SAMD7: variants seen among roughly 807,000 people sequenced by gnomAD.
SAMD7 encodes sterile alpha motif domain containing 7, also known as sterile alpha motif domain-containing protein 7.
In SAMD7, 34 loss-of-function variants were observed where a neutral mutation model predicts 36.7. The observed-to-expected ratio is 0.93, with a 90% CI of 0.71 to 1.23. SAMD7 has a LOEUF of 1.23. Among genes scored for constraint, SAMD7 ranks in the 50% most tolerant of loss-of-function variants. The pLI is 0.00. For missense variants in SAMD7, 570 were observed against 546.6 expected, an observed-to-expected ratio of 1.04 and a Z score of -0.43; for synonymous variants, 188 against 189.7, an observed-to-expected ratio of 0.99 and a Z score of 0.07.
At chr3:169,929,573 A>T (rs1713407335) in intron 7 of SAMD7, among the ~76,000 whole-genome samples, 1 of 152,198 alleles carries the variant, frequency 6.6e-6, no homozygotes, top group Admixed American at 6.5e-5. Context: ...GAAAGTACAA[A>T]TTCAAATCCT....
chr3:169,930,263 T>C (rs1298093105), intron 7 of SAMD7, among the ~76,000 whole-genome samples: 2 of 152,176 alleles, frequency 1.3e-5, no homozygotes, highest in African/African-American at 2.4e-5. Flanking sequence ...AGCGCCCTCT[T>C]CCCTACCCCA....
rs1368379530 is a variant in SAMD7 at position 169,911,754 on chromosome 3, A to C, written c.-184A>C. 6.6e-6 allele frequency: 1 copy of C among 152,232 alleles called. No individual in the cohort carries two copies. The highest frequency in any genetic ancestry group is 1.5e-5 in the Non-Finnish European group (1 of 68,036). 9.4% of individuals were successfully genotyped at this position (152,232 alleles called of 1,614,324 possible). On this transcript the variant is annotated 5_prime_UTR_variant, in exon 1 of 9. An upstream open reading frame in the 5' UTR loses its in-frame stop. Transcript: ENST00000335556. ...GCAGCCAGAGAAGCTTCTGCAGTTG[A>C]AGGCCAGAAAGTCTTTGTATGGTTC...
Position 169,925,138 on chromosome 3 carries a change from T to C in SAMD7, c.290+2T>C, listed in dbSNP as rs749578699. The C allele has an allele frequency of 2.5e-6, 4 of 1,598,766 alleles. No homozygotes were observed. In the East Asian group the frequency reaches 6.7e-5, roughly 27 times the overall value. On this transcript the variant is annotated splice_donor_variant, in intron 5 of 8. Transcript: ENST00000335556. LOFTEE classifies it high-confidence loss of function. ...GATTCAACGGCATCATACTGCCAGG[T>C]AATTTGGCAATGTTGTTTTATTTAT...
intron 3 of SAMD7, among the ~76,000 whole-genome samples, chr3:169,919,820 AT>A (rs1366849771): frequency 6.6e-6 from 1 of 152,232 alleles, no homozygotes; most frequent in African/African-American, 2.4e-5. Flanking sequence ...CACATACTAT[AT>A]GACAGGCATT....
At chr3:169,936,149 G>T (rs1244438657) in intron 7 of SAMD7, among the ~76,000 whole-genome samples, 190 bp from the exon 8 acceptor site, 2 of 152,118 alleles carry the variant, frequency 1.3e-5, no homozygotes, top group East Asian at 1.9e-4. Flanking sequence ...GATTACAAAG[G>T]TTATTAAAGA....
In SAMD7 at chr3:169,932,209, G is replaced by A. The variant is rs1273084352; in HGVS notation, c.1041+3631G>A. 5.4e-5 allele frequency: 43 copies of A among 797,598 alleles called. 1 individual carries two copies. The South Asian group carries it at 5.8e-4, about 11-fold the overall frequency. The allele number at this position is 797,598 out of a possible 1,614,324, so 49.4% of individuals were successfully genotyped here. A position where few individuals can be genotyped will look rare whatever the true frequency, so the allele number is the denominator to read the frequency against. On this transcript the variant is annotated intron_variant, in intron 7 of 8. Coordinates refer to ENST00000335556, the MANE Select transcript of SAMD7 (RefSeq NM_001304366.2). Reference sequence around the variant, plus strand: ...GTTGCAGTCTTCCTAGGAGACTGCAGCCCAGTGGGTGGTTCCCCAGGAAGT... The same window carrying A: ...GTTGCAGTCTTCCTAGGAGACTGCAACCCAGTGGGTGGTTCCCCAGGAAGT...
At position 169,921,488 on chromosome 3, in the gene SAMD7, G is replaced by T. The variant is rs986528221; in HGVS notation, c.211+150G>T. 3 of 708,892 alleles carry T rather than the reference G, an allele frequency of 4.2e-6. No homozygotes were observed. In the African/African-American group the frequency reaches 5.3e-5, roughly 13 times the overall value. 43.9% of individuals were successfully genotyped at this position (708,892 alleles called of 1,614,324 possible). A position where few individuals can be genotyped will look rare whatever the true frequency, so the allele number is the denominator to read the frequency against. On this transcript the variant is annotated intron_variant, in intron 4 of 8. Coordinates refer to ENST00000335556, the MANE Select transcript of SAMD7 (RefSeq NM_001304366.2). Reference sequence around the variant, plus strand: ...TCTCTGTAGTCACCACCTAGGTTCAGATCATGGTGCTACCACTGTGTGACC... The same window carrying T: ...TCTCTGTAGTCACCACCTAGGTTCATATCATGGTGCTACCACTGTGTGACC...
intron 2 of SAMD7, among the ~76,000 whole-genome samples, chr3:169,918,045 C>A (rs1252885549): frequency 6.6e-6 from 1 of 152,114 alleles, no homozygotes; most frequent in African/African-American, 2.4e-5. Flanking sequence ...TCAAGCAATT[C>A]TCCTGCCTCA....
At chr3:169,934,466 A>G (rs1713642331) in intron 7 of SAMD7, among the ~76,000 whole-genome samples, 1 of 152,150 alleles carries the variant, frequency 6.6e-6, no homozygotes, top group South Asian at 2.1e-4. Context: ...AAATCAGATG[A>G]TCAATCACAG....
intron 7 of SAMD7, among the ~76,000 whole-genome samples, 175 bp downstream of exon 7, chr3:169,928,753 C>T (rs1015622316): frequency 3.9e-5 from 6 of 152,196 alleles, no homozygotes; most frequent in Non-Finnish European, 7.3e-5. Context: ...TTGGGTCATA[C>T]ACCCACACCC....
intron 6 of SAMD7, 80 bp from the exon 7 acceptor site, chr3:169,928,377 G>A: frequency 2.4e-6 from 3 of 1,275,508 alleles, no homozygotes; most frequent in East Asian, 2.3e-5. Flanking sequence ...CCACTCTGGG[G>A]TGATAGAATA....
chr3:169,938,219 T>C lies in SAMD7; in HGVS notation c.1153-99T>C, dbSNP rs1559955780. ...CAACTATATGTTAATAGATGCTCCA[T>C]GCCTGAAATTACCTCAGCCTCTCTG... On this transcript the variant is annotated intron_variant, in intron 8 of 8. Transcript: ENST00000335556. 3 of 737,768 alleles carry C rather than the reference T, an allele frequency of 4.1e-6. No individual in the cohort carries two copies. The South Asian group carries it at 5.4e-5, about 13-fold the overall frequency. The allele number at this position is 737,768 out of a possible 1,614,324, so 45.7% of individuals were successfully genotyped here.
chr3:169,930,846 G>A (rs1713461206), intron 7 of SAMD7, among the ~76,000 whole-genome samples: 1 of 151,930 alleles, frequency 6.6e-6, no homozygotes, highest in South Asian at 2.1e-4. Context: ...CTCCCAAAGT[G>A]CTGGGATTAC....
chr3:169,933,187 G>T, intron 7 of SAMD7: 2 of 710,632 alleles, frequency 2.8e-6, no homozygotes, highest in Admixed American at 1.8e-5. Flanking sequence ...GACCAGTTTG[G>T]GATGGACACT....
At chr3:169,915,959 A>T (rs1712780569) in intron 2 of SAMD7, among the ~76,000 whole-genome samples, 1 of 152,144 alleles carries the variant, frequency 6.6e-6, no homozygotes, top group Admixed American at 6.6e-5. Context: ...GTACAATTTG[A>T]TGAGTTTTGG....
At chr3:169,913,501 G>A (rs1187816936) in intron 1 of SAMD7, among the ~76,000 whole-genome samples, 1 of 152,152 alleles carries the variant, frequency 6.6e-6, no homozygotes, top group Non-Finnish European at 1.5e-5. Flanking sequence ...TCATCTATGT[G>A]CTGCCTGGAG....
At position 169,926,744 on chromosome 3, in the gene SAMD7, A is replaced by T; in HGVS notation, c.482A>T (p.Gln161Leu). The T allele has an allele frequency of 6.2e-7, 1 of 1,614,058 alleles. No individual in the cohort carries two copies. The highest frequency in any genetic ancestry group is 8.5e-7 in the Non-Finnish European group (1 of 1,179,996). The stretch of plus-strand genomic sequence containing the variant: ...CACAGAAGCACCCTCAGAAACCTTC[A>T]GGGAAACCCCATGCTAGCGGCAACT... ...HFHRSTLRNLQGNPMLAATAP... is the reference protein window; with the variant it reads ...HFHRSTLRNLLGNPMLAATAP... The change falls in exon 6 of 9, where the codon CAG (glutamine) becomes CTG (leucine). Residue 161 changes from glutamine to leucine, a missense_variant. Transcript: ENST00000335556.
intron 2 of SAMD7, among the ~76,000 whole-genome samples, chr3:169,917,133 G>A (rs2108255429): frequency 6.6e-6 from 1 of 152,360 alleles, no homozygotes; most frequent in South Asian, 2.1e-4. Context: ...AAAAGGTGAT[G>A]TTAGGTGATC....
At chr3:169,932,802 A>T in intron 7 of SAMD7, 1 of 549,558 alleles carries the variant, frequency 1.8e-6, no homozygotes, top group Admixed American at 2.2e-5. Flanking sequence ...ACGTCCCTTT[A>T]TGACTCTGGC....
Sources: allele counts gnomAD v4.1 joint callset (sites outside exome capture counted in the v4.1 genomes callset), GRCh38; gene constraint gnomAD v4.1.1; transcripts MANE v1.5; gene names NCBI Gene and HGNC (gene_info 2026-07-23, HGNC 2026-07-21).